The following MACROD2 variants were observed in gnomAD, a reference collection of about 807,000 sequenced individuals.
MACROD2 encodes the protein mono-ADP ribosylhydrolase 2.
Under a neutral mutation model 70.4 loss-of-function variants are expected in MACROD2, and 36 were observed. The observed-to-expected ratio is 0.51, with a 90% CI of 0.39 to 0.68. The LOEUF is 0.68. Ranked by LOEUF, MACROD2 falls within the 30% of genes least tolerant of loss-of-function variation. The pLI, the probability that MACROD2 is intolerant of heterozygous loss-of-function variation, is 0.00. For synonymous variants in MACROD2, 172 were observed against 178.8 expected (o/e 0.96, Z 0.30); for missense variants, 496 against 538.4 (o/e 0.92, Z 0.78).
chr20:14,620,082 G>C (rs987344250), intron 4 of MACROD2, among the ~76,000 whole-genome samples: 1 of 152,158 alleles, frequency 6.6e-6, no homozygotes, highest in Non-Finnish European at 1.5e-5. Context: ...AAGTTGAGTA[G>C]TCATTATTTG....
chr20:15,725,154 A>G (rs1303851061), intron 8 of MACROD2, among the ~76,000 whole-genome samples: 1 of 152,220 alleles, frequency 6.6e-6, no homozygotes, highest in African/African-American at 2.4e-5. Context: ...TAGCTTGCTG[A>G]GATTTTGAAT....
At chr20:14,159,017 G>T (rs2055145380) in intron 3 of MACROD2, among the ~76,000 whole-genome samples, 1 of 152,034 alleles carries the variant, frequency 6.6e-6, no homozygotes, top group African/African-American at 2.4e-5. Context: ...CAGGTGGATT[G>T]CCTGAGGTCA....
chr20:15,660,530 T>G (rs2146815042), intron 8 of MACROD2, among the ~76,000 whole-genome samples: 1 of 152,324 alleles, frequency 6.6e-6, no homozygotes, highest in Middle Eastern at 3.4e-3. Context: ...TCAGTAATCA[T>G]ATGCCATATT....
At chr20:14,523,660 C>T (rs2085196009) in intron 4 of MACROD2, among the ~76,000 whole-genome samples, 1 of 152,176 alleles carries the variant, frequency 6.6e-6, no homozygotes, top group Non-Finnish European at 1.5e-5. Flanking sequence ...AAAATATGGA[C>T]CTCTAGTTAC....
At chr20:15,226,616 A>G (rs1003051968) in intron 5 of MACROD2, among the ~76,000 whole-genome samples, 4 of 152,190 alleles carry the variant, frequency 2.6e-5, no homozygotes, top group Non-Finnish European at 5.9e-5. Context: ...TTTTGAAACT[A>G]TTGTGAAAAA....
chr20:15,112,445 A>G (rs945164155), intron 5 of MACROD2, among the ~76,000 whole-genome samples: 1 of 152,192 alleles, frequency 6.6e-6, no homozygotes, highest in Non-Finnish European at 1.5e-5. Context: ...GATTGCCTTG[A>G]GGCCTTTTTC....
Position 13,995,685 on chromosome 20 carries a change from CCCTCCCACT to C in MACROD2, c.-76_-68del. The C allele has an allele frequency of 3.7e-6, 4 of 1,088,932 alleles. 1 individual carries two copies. Among genetic ancestry groups the C allele is most frequent in the Non-Finnish European group, 5.6e-6 (4 of 709,454 alleles). The allele number at this position is 1,088,932 out of a possible 1,614,324, so 67.5% of individuals were successfully genotyped here. ...TTCCCTGCTGAGTGCCCCCTCCCACCCCTCCCACTCCACACACACCCTGTTTGCCCGTGA... is the reference window on the plus strand; with the variant it reads ...TTCCCTGCTGAGTGCCCCCTCCCACCCCACACACACCCTGTTTGCCCGTGA... On this transcript the variant is annotated 5_prime_UTR_variant, in exon 1 of 18. Coordinates refer to ENST00000684519, the MANE Select transcript of MACROD2 (RefSeq NM_001351661.2). This position sits in a 1 kb window ranked among gnomAD's most constrained non-coding sequence, Gnocchi z 4.3.
intron 8 of MACROD2, among the ~76,000 whole-genome samples, chr20:15,687,764 C>G (rs1434592573): frequency 1.3e-5 from 2 of 152,120 alleles, no homozygotes; most frequent in African/African-American, 4.8e-5. Flanking sequence ...CCGCCACATG[C>G]AACATTTGCT....
At chr20:15,683,559 A>G (rs1408095284) in intron 8 of MACROD2, among the ~76,000 whole-genome samples, 1 of 152,100 alleles carries the variant, frequency 6.6e-6, no homozygotes, top group African/African-American at 2.4e-5. Flanking sequence ...CAAGTCATTT[A>G]CCATCCCTCA....
intron 2 of MACROD2, among the ~76,000 whole-genome samples, chr20:14,072,950 C>A (rs189174039): frequency 2.4e-4 from 35 of 147,538 alleles, no homozygotes; most frequent in African/African-American, 8.6e-4. Flanking sequence ...AAAAAAAAAG[C>A]ATATAGATCA....
At chr20:15,453,183 C>A (rs2046667034) in intron 7 of MACROD2, among the ~76,000 whole-genome samples, 1 of 151,724 alleles carries the variant, frequency 6.6e-6, no homozygotes, top group African/African-American at 2.4e-5. Flanking sequence ...AAGAATACAG[C>A]TGAAGGGATG....
At chr20:14,630,829 A>T (rs1394002323) in intron 4 of MACROD2, among the ~76,000 whole-genome samples, 1 of 152,230 alleles carries the variant, frequency 6.6e-6, no homozygotes, top group Non-Finnish European at 1.5e-5. Context: ...CAAGGAGATG[A>T]TCTACAGATC....
intron 8 of MACROD2, among the ~76,000 whole-genome samples, chr20:15,846,450 C>T (rs535722368): frequency 6.6e-6 from 1 of 152,166 alleles, no homozygotes; most frequent in Non-Finnish European, 1.5e-5. Flanking sequence ...GAAGGCAGCA[C>T]ACACTTTTAT....
chr20:15,225,722 TTCATAGTA>T (rs760760108), intron 5 of MACROD2, among the ~76,000 whole-genome samples: 13 of 152,218 alleles, frequency 8.5e-5, no homozygotes, highest in Non-Finnish European at 1.5e-4. Flanking sequence ...AGCCTAGCAT[TTCATAGTA>T]TAAATGAACC....
At chr20:15,998,357 C>T (rs2066660520) in intron 15 of MACROD2, among the ~76,000 whole-genome samples, 1 of 152,110 alleles carries the variant, frequency 6.6e-6, no homozygotes. Context: ...GATCTCTTTA[C>T]TCATTACTAG....
chr20:14,057,304 G>T (rs2053641778), intron 2 of MACROD2, among the ~76,000 whole-genome samples: 1 of 152,100 alleles, frequency 6.6e-6, no homozygotes, highest in African/African-American at 2.4e-5. Context: ...AAGAATTTCT[G>T]TCATCAAAAG....
intron 5 of MACROD2, among the ~76,000 whole-genome samples, chr20:14,990,990 T>G (rs1273688304): frequency 6.6e-6 from 1 of 152,220 alleles, no homozygotes; most frequent in African/African-American, 2.4e-5. Flanking sequence ...GGCAGAATTC[T>G]GTGTCTTTCT....
At chr20:14,491,764 C>T (rs1439000561) in intron 3 of MACROD2, among the ~76,000 whole-genome samples, 8 of 152,144 alleles carry the variant, frequency 5.3e-5, no homozygotes, top group Non-Finnish European at 1.2e-4. Context: ...AAGTGAAGAG[C>T]TCCTATTTAT....
intron 7 of MACROD2, among the ~76,000 whole-genome samples, chr20:15,465,401 G>A (rs1205382524): frequency 6.6e-6 from 1 of 152,254 alleles, no homozygotes; most frequent in East Asian, 1.9e-4. Flanking sequence ...AGTGATGATG[G>A]GGTACAGCTC....
Sources: gnomAD v4.1 joint callset for allele counts (sites outside exome capture counted in the v4.1 genomes callset) on GRCh38, gnomAD v4.1.1 for gene constraint, Gnocchi (gnomAD v3.1) non-coding constraint, MANE v1.5 for transcripts, NCBI Gene and HGNC (gene_info 2026-07-23, HGNC 2026-07-21) for gene names.